The following C20orf96 variants were observed in gnomAD, a reference collection of about 807,000 sequenced individuals.
C20orf96 encodes uncharacterized protein C20orf96.
In C20orf96, 57 loss-of-function variants were observed where a neutral mutation model predicts 52.6. The ratio of observed to expected loss-of-function variants is 1.08; its 90% confidence interval spans 0.88 to 1.35. The LOEUF (loss-of-function observed/expected upper bound fraction) is 1.35, where lower values mean the gene tolerates loss of function less well. Among genes scored for constraint, C20orf96 ranks in the 40% most tolerant of loss-of-function variants. The pLI is 0.00. For missense variants in C20orf96, 478 were observed against 443.6 expected (o/e 1.08, Z -0.70); for synonymous variants, 168 against 157.2 (o/e 1.07, Z -0.51).
intron 3 of C20orf96, among the ~76,000 whole-genome samples, chr20:287,650 C>CA (rs1234164640): frequency 6.6e-6 from 1 of 152,000 alleles, no homozygotes; most frequent in African/African-American, 2.4e-5. Context: ...TTCATAAGGC[C>CA]AGGTGCAGTG....
chr20:289,094 G>A (rs2122333014), intron 3 of C20orf96, among the ~76,000 whole-genome samples: 1 of 152,206 alleles, frequency 6.6e-6, no homozygotes, highest in African/African-American at 2.4e-5. Flanking sequence ...AAAAACAGAT[G>A]GACTACATTT....
chr20:279,473 C>T, intron 4 of C20orf96, 143 bp from the exon 5 acceptor site: 4 of 939,152 alleles, frequency 4.3e-6, no homozygotes, highest in Non-Finnish European at 5.9e-6. Context: ...CCAAGCTGGG[C>T]GGTTCCCCAT....
rs1338005187 is a variant in C20orf96, at chr20:270,934, C to T, written c.*273G>A. On this transcript the variant is annotated 3_prime_UTR_variant, in exon 11 of 11. Transcript: ENST00000360321. ...AATCAGAAATTCCCACCTGGCCCAG[C>T]AGCACCAACCAGAAAGAAGGGAAGA... The T allele has an allele frequency of 4.3e-6, 2 of 467,446 alleles. No individual in the cohort carries two copies. Among genetic ancestry groups the T allele is most frequent in the Non-Finnish European group, 7.6e-6 (2 of 264,738 alleles). The allele number at this position is 467,446 out of a possible 1,614,324, so 29.0% of individuals were successfully genotyped here. A position where few individuals can be genotyped will look rare whatever the true frequency, so the allele number is the denominator to read the frequency against.
chr20:275,927 G>C (rs2012003068), intron 10 of C20orf96, 41 bp downstream of exon 10: 1 of 1,563,598 alleles, frequency 6.4e-7, no homozygotes, highest in East Asian at 2.2e-5. Flanking sequence ...TGAGCTCAGA[G>C]TGTGACTGGT....
chr20:276,984 A>G, intron 8 of C20orf96, 60 bp downstream of exon 8: 2 of 1,594,448 alleles, frequency 1.3e-6, no homozygotes, highest in Non-Finnish European at 1.7e-6. Context: ...AGGATGGGGA[A>G]GAGGGCGGGG....
intron 3 of C20orf96, among the ~76,000 whole-genome samples, chr20:287,798 A>G (rs1335501252): frequency 6.6e-6 from 1 of 150,906 alleles, no homozygotes; most frequent in African/African-American, 2.4e-5. Flanking sequence ...AGTCCCAGCT[A>G]CTCGGGAGGC....
chr20:275,094 G>A (rs904742833), intron 10 of C20orf96, among the ~76,000 whole-genome samples: 1 of 152,246 alleles, frequency 6.6e-6, no homozygotes, highest in Non-Finnish European at 1.5e-5. Context: ...TGGGATTACA[G>A]GCGTGAGCCA....
At position 290,291 on chromosome 20, in the gene C20orf96, T is replaced by C. The variant is rs375975887; in HGVS notation, c.37A>G (p.Thr13Ala). 4.3e-6 allele frequency: 7 copies of C among 1,612,804 alleles called. No individual in the cohort carries two copies. The South Asian group carries it at 4.4e-5, about 10-fold the overall frequency. Residue 13 changes from threonine to alanine, a missense_variant, in exon 2 of 11, where the codon ACT (threonine) becomes GCT (alanine). Physicochemically the swap from Thr to Ala is moderately conservative, Grantham distance 58. Coordinates refer to ENST00000360321, the MANE Select transcript of C20orf96 (RefSeq NM_153269.3). ...HVLQKPKHSGTHSIVQEFQVP... is the reference protein window; with the variant it reads ...HVLQKPKHSGAHSIVQEFQVP... ...TGGAACTCCTGGACTATGGAGTGAG[T>C]CCCAGAGTGCTTGGGTCTGGAAAGA...
chr20:272,058 C>G (rs890747413), intron 10 of C20orf96, among the ~76,000 whole-genome samples: 1 of 151,646 alleles, frequency 6.6e-6, no homozygotes, highest in Non-Finnish European at 1.5e-5. Flanking sequence ...TGTCAGGATA[C>G]TTGCAATTTA....
chr20:276,910 G>C (rs754524136), intron 8 of C20orf96, 31 bp from the exon 9 acceptor site: 1 of 1,613,326 alleles, frequency 6.2e-7, no homozygotes, highest in African/African-American at 1.3e-5. Flanking sequence ...TGGCCCCCAG[G>C]TGCCTCTTCC....
chr20:289,251 C>T (rs1273955934), intron 3 of C20orf96, among the ~76,000 whole-genome samples: 2 of 149,704 alleles, frequency 1.3e-5, no homozygotes, highest in African/African-American at 2.5e-5. Flanking sequence ...CTCTCTCTTC[C>T]CTCTATGCCA....
chr20:282,171 G>T (rs2012270390), intron 4 of C20orf96, among the ~76,000 whole-genome samples: 1 of 152,170 alleles, frequency 6.6e-6, no homozygotes, highest in South Asian at 2.1e-4. Flanking sequence ...TAGGGTTTCA[G>T]TTCAAATGTC....
intron 4 of C20orf96, among the ~76,000 whole-genome samples, chr20:281,060 G>A (rs1453380186): frequency 6.6e-6 from 1 of 152,202 alleles, no homozygotes; most frequent in Non-Finnish European, 1.5e-5. Flanking sequence ...GGAGTCTGAG[G>A]TGGGAGGAAT....
intron 6 of C20orf96, 62 bp from the exon 7 acceptor site, chr20:277,445 GC>G: frequency 1.3e-6 from 2 of 1,572,084 alleles, no homozygotes; most frequent in South Asian, 1.1e-5. Flanking sequence ...AAGCACCTGG[GC>G]CCCAGGAGGC....
At position 289,659 on chromosome 20, in the gene C20orf96, C is replaced by T; in HGVS notation, c.87G>A (p.Gln29=). The stretch of plus-strand genomic sequence containing the variant: ...ATGGCTTGGTTTCCTGCTTGGACTG[C>T]TGCCATGGAACATAATCCTACAAAA... ...EFQVPDYVPW[Q]QSKQETKPST... Residue 29 remains glutamine, a synonymous_variant, in exon 3 of 11, where the codon CAG becomes CAA. Transcript: ENST00000360321. 4 of 1,613,642 alleles carry T rather than the reference C, an allele frequency of 2.5e-6. No individual in the cohort carries two copies. Among genetic ancestry groups the T allele is most frequent in the Non-Finnish European group, 3.4e-6 (4 of 1,179,592 alleles).
intron 3 of C20orf96, among the ~76,000 whole-genome samples, chr20:285,148 C>T (rs190483123): frequency 7.4e-4 from 112 of 152,322 alleles, no homozygotes; most frequent in Non-Finnish European, 1.3e-3. Flanking sequence ...CAGACGAAGG[C>T]ACAGCAGCCA....
intron 4 of C20orf96, among the ~76,000 whole-genome samples, chr20:282,340 A>C (rs1004845551): frequency 2.6e-5 from 4 of 152,170 alleles, no homozygotes; most frequent in African/African-American, 7.2e-5. Flanking sequence ...CATCCAATAG[A>C]ATGGAAGTCC....
rs773306214 is a variant in C20orf96, at chr20:277,040, T to C, written c.825+4A>G. 3.8e-5 allele frequency: 61 copies of C among 1,612,498 alleles called. 1 individual carries two copies. In the East Asian group the frequency reaches 1.3e-3, roughly 34 times the overall value. ...CCGCTCCCACACAGCAACTGGCTACTCACCGCCACCACAGAACTCAGAATT... is the reference window on the plus strand; with the variant it reads ...CCGCTCCCACACAGCAACTGGCTACCCACCGCCACCACAGAACTCAGAATT... On this transcript the variant is annotated splice_donor_region_variant and intron_variant, in intron 8 of 10. Coordinates refer to ENST00000360321, the MANE Select transcript of C20orf96 (RefSeq NM_153269.3).
chr20:281,477 T>G (rs1215548276), intron 4 of C20orf96, among the ~76,000 whole-genome samples: 2 of 152,222 alleles, frequency 1.3e-5, no homozygotes, highest in African/African-American at 4.8e-5. Flanking sequence ...TTTCATTTGT[T>G]CCTGTACTTC....
Sources: gnomAD v4.1 joint callset for allele counts (sites outside exome capture counted in the v4.1 genomes callset) on GRCh38, gnomAD v4.1.1 for gene constraint, MANE v1.5 for transcripts, NCBI Gene and HGNC (gene_info 2026-07-23, HGNC 2026-07-21) for gene names.